PHF21B: variants seen among roughly 807,000 people sequenced by gnomAD.
PHF21B encodes PHD finger protein 4.
Under a neutral mutation model 62.2 loss-of-function variants are expected in PHF21B, and 22 were observed. The ratio of observed to expected loss-of-function variants is 0.35; its 90% CI spans 0.25 to 0.51. PHF21B has a LOEUF of 0.51. PHF21B is among the 20% of genes least tolerant of loss of function. The probability of loss-of-function intolerance (pLI) is 0.97; values close to 1 mark genes in which losing one functional copy is unlikely to be tolerated. For synonymous variants in PHF21B, 341 were observed against 314.7 expected, an observed-to-expected ratio of 1.08 and a Z score of -0.88; for missense variants, 701 against 707.9, an observed-to-expected ratio of 0.99 and a Z score of 0.11.
At chr22:44,929,548 G>C (rs1351477995) in intron 2 of PHF21B, among the ~76,000 whole-genome samples, 1 of 152,162 alleles carries the variant, frequency 6.6e-6, no homozygotes, top group Non-Finnish European at 1.5e-5. Flanking sequence ...GACCACCATG[G>C]GGAGGCCAAC....
intron 5 of PHF21B, among the ~76,000 whole-genome samples, chr22:44,896,887 T>TTTTGTTTGTTTG (rs970777627): frequency 3.3e-4 from 48 of 143,402 alleles, no homozygotes; most frequent in Non-Finnish European, 3.2e-4. Context: ...TCTGTTTTTT[T>TTTTGTTTGTTTG]TTTTTTTTTG....
chr22:44,891,494 T>C, intron 7 of PHF21B, 134 bp from the exon 8 acceptor site: 2 of 997,672 alleles, frequency 2.0e-6, no homozygotes, highest in Non-Finnish European at 3.0e-6. Flanking sequence ...GGACACCCCC[T>C]GCCAGGGGCA....
chr22:44,962,939 TAAAAC>T (rs2072453833), intron 2 of PHF21B, among the ~76,000 whole-genome samples: 2 of 152,092 alleles, frequency 1.3e-5, no homozygotes, highest in Non-Finnish European at 2.9e-5. Context: ...ACCATGATGA[TAAAAC>T]AAATCATGAC....
At chr22:44,921,920 A>G (rs1412803644) in intron 2 of PHF21B, among the ~76,000 whole-genome samples, 1 of 152,090 alleles carries the variant, frequency 6.6e-6, no homozygotes, top group Non-Finnish European at 1.5e-5. Context: ...CGGCCTCCCA[A>G]AGTGCTGGGA....
chr22:44,959,313 T>G (rs917537074), intron 2 of PHF21B, among the ~76,000 whole-genome samples: 38 of 152,200 alleles, frequency 2.5e-4, no homozygotes, highest in African/African-American at 8.7e-4. Context: ...ACTCTCCACT[T>G]TGTGATTCAC....
At chr22:44,917,834 C>G (rs1227223672) in intron 3 of PHF21B, among the ~76,000 whole-genome samples, 1 of 152,204 alleles carries the variant, frequency 6.6e-6, no homozygotes, top group Admixed American at 6.5e-5. Context: ...CAAGGCACAG[C>G]GTGCTCTTCA....
chr22:44,934,093 G>A (rs1453235124), intron 2 of PHF21B, among the ~76,000 whole-genome samples: 1 of 152,180 alleles, frequency 6.6e-6, no homozygotes, highest in African/African-American at 2.4e-5. Flanking sequence ...CTCTGACGTG[G>A]GCATGGCAGC....
At chr22:44,947,633 C>A (rs1254077976) in intron 2 of PHF21B, among the ~76,000 whole-genome samples, 1 of 152,214 alleles carries the variant, frequency 6.6e-6, no homozygotes, top group Non-Finnish European at 1.5e-5. Flanking sequence ...ACACCTTCCA[C>A]GCGGACCCTG....
At chr22:44,905,596 G>C (rs750878945) in intron 5 of PHF21B, among the ~76,000 whole-genome samples, 2 of 152,070 alleles carry the variant, frequency 1.3e-5, no homozygotes, top group Non-Finnish European at 2.9e-5. Flanking sequence ...GAATTCTGTC[G>C]AGACTTACCT....
intron 2 of PHF21B, among the ~76,000 whole-genome samples, chr22:44,983,886 G>A (rs1239212352): frequency 1.3e-5 from 2 of 152,026 alleles, no homozygotes; most frequent in Admixed American, 6.5e-5. Context: ...TTGCAGGTGG[G>A]AAAAGGGAAG....
chr22:44,969,986 C>T (rs117991204), intron 2 of PHF21B, among the ~76,000 whole-genome samples: 562 of 152,364 alleles, frequency 3.7e-3, no homozygotes, highest in Non-Finnish European at 6.6e-3. Flanking sequence ...ATCACATCCT[C>T]CAGCAGCGCA....
chr22:44,975,442 G>A (rs559004019), intron 2 of PHF21B, among the ~76,000 whole-genome samples: 9 of 152,306 alleles, frequency 5.9e-5, no homozygotes, highest in South Asian at 2.1e-4. Flanking sequence ...GAGAGCAGGC[G>A]TCCCTCTAGG....
At chr22:44,904,940 C>T (rs1402282631) in intron 5 of PHF21B, among the ~76,000 whole-genome samples, 1 of 152,168 alleles carries the variant, frequency 6.6e-6, no homozygotes, top group Non-Finnish European at 1.5e-5. Context: ...CTGCTGGAGG[C>T]CCCCGGCACA....
chr22:44,927,656 C>T (rs1006874152), intron 2 of PHF21B, among the ~76,000 whole-genome samples: 1 of 152,210 alleles, frequency 6.6e-6, no homozygotes, highest in African/African-American at 2.4e-5. Context: ...GTTTTCTTCA[C>T]TCCAAGCCTA....
intron 4 of PHF21B, among the ~76,000 whole-genome samples, chr22:44,914,352 G>A (rs1268236623): frequency 1.3e-5 from 2 of 152,194 alleles, no homozygotes; most frequent in Non-Finnish European, 2.9e-5. Context: ...TTCCAGTCCT[G>A]CCCCACCGCT....
At chr22:44,956,216 C>T (rs1440230460) in intron 2 of PHF21B, among the ~76,000 whole-genome samples, 1 of 152,152 alleles carries the variant, frequency 6.6e-6, no homozygotes, top group Non-Finnish European at 1.5e-5. Context: ...GGAGGAGGCT[C>T]CCTGGGGAGG....
At chr22:44,962,852 G>A (rs1207300952) in intron 2 of PHF21B, among the ~76,000 whole-genome samples, 3 of 152,230 alleles carry the variant, frequency 2.0e-5, no homozygotes, top group East Asian at 3.9e-4. Context: ...ACTCAGCCCC[G>A]ATGCATTTAG....
intron 5 of PHF21B, among the ~76,000 whole-genome samples, chr22:44,903,776 G>A (rs1168768516): frequency 1.3e-5 from 2 of 152,200 alleles, no homozygotes; most frequent in Non-Finnish European, 1.5e-5. Flanking sequence ...CTTGATGGAT[G>A]TACCTTTAGT....
At chr22:44,923,608 C>T (rs1351696946) in intron 2 of PHF21B, among the ~76,000 whole-genome samples, 3 of 152,170 alleles carry the variant, frequency 2.0e-5, no homozygotes, top group African/African-American at 7.2e-5. Flanking sequence ...ATACAAATCA[C>T]CTATCTGATG....
Sources: gnomAD v4.1 joint callset for allele counts (sites outside exome capture counted in the v4.1 genomes callset) on GRCh38, gnomAD v4.1.1 for gene constraint, MANE v1.5 for transcripts, NCBI Gene and HGNC (gene_info 2026-07-23, HGNC 2026-07-21) for gene names.